Variants in JADE3 observed in about 807,000 individuals in gnomAD.
JADE3 encodes the protein protein Jade-3.
In JADE3, 2 loss-of-function variants were observed where a neutral mutation model predicts 50.1. That is an observed-to-expected ratio of 0.04 (90% CI 0.02 to 0.13). JADE3 has a LOEUF of 0.13. JADE3 is among the 10% of genes least tolerant of loss of function. The probability of loss-of-function intolerance (pLI) is 1.00; values close to 1 mark genes in which losing one functional copy is unlikely to be tolerated. For missense variants in JADE3, 475 were observed against 634.4 expected (o/e 0.75, Z 2.70); for synonymous variants, 218 against 232.9 (o/e 0.94, Z 0.58).
At chrX:46,944,626 T>C (rs782375775) in intron 1 of JADE3, among the ~76,000 whole-genome samples, 25 of 110,711 alleles carry the variant, frequency 2.3e-4, no homozygotes, top group Non-Finnish European at 4.5e-4. Context: ...CTTCTTGATA[T>C]AGGCATTTAG....
rs572734511 is a variant in JADE3 at position 46,917,834 on chromosome X, C to CCT, written c.-12+5135_-12+5136dup. 4.7e-3 allele frequency among the ~76,000 whole-genome samples: 201 copies of CCT among 42,477 alleles called. 22 individuals are homozygous for CCT. In the East Asian group the frequency reaches 0.064, roughly 14 times the overall value. The allele number at this position is 42,477 out of a possible 115,157, so 36.9% of individuals were successfully genotyped here. ...CTCTCTCTCTCTCACTCTCTCTCATCCTCTCTCTCTCTCTCTCTCTCATCC... is the reference window on the plus strand; with the variant it reads ...CTCTCTCTCTCTCACTCTCTCTCATCCTCTCTCTCTCTCTCTCTCTCTCATCC... On this transcript the variant is annotated intron_variant, in intron 1 of 10. Transcript: ENST00000614628.
chrX:46,988,902 C>T (rs182037854), intron 3 of JADE3, among the ~76,000 whole-genome samples: 3 of 112,373 alleles, frequency 2.7e-5, no homozygotes, highest in East Asian at 2.8e-4. Flanking sequence ...TGCAGTGGTG[C>T]GATCTCAGCT....
At chrX:46,937,719 G>A (rs1450745472) in intron 1 of JADE3, among the ~76,000 whole-genome samples, 1 of 111,940 alleles carries the variant, frequency 8.9e-6, no homozygotes. Context: ...GGTGGCTCAC[G>A]CCTGTAATCC....
intron 1 of JADE3, among the ~76,000 whole-genome samples, chrX:46,938,200 T>G (rs1320146519): frequency 8.9e-6 from 1 of 111,924 alleles, no homozygotes; most frequent in Admixed American, 9.5e-5. Flanking sequence ...GATATGATTG[T>G]TTTACATCTG....
chrX:46,932,213 G>C (rs1205513395), intron 1 of JADE3, among the ~76,000 whole-genome samples: 2 of 111,730 alleles, frequency 1.8e-5, no homozygotes, highest in Non-Finnish European at 3.8e-5. Flanking sequence ...ATTGGCTGAC[G>C]GGCCCACCCA....
At chrX:46,926,888 T>A (rs1251272605) in intron 1 of JADE3, among the ~76,000 whole-genome samples, 1 of 112,613 alleles carries the variant, frequency 8.9e-6, no homozygotes, top group Non-Finnish European at 1.9e-5. Flanking sequence ...ATACCACAGC[T>A]TGTTTAATCA....
chrX:46,979,278 T>G (rs1927690177), intron 1 of JADE3, among the ~76,000 whole-genome samples: 1 of 112,341 alleles, frequency 8.9e-6, no homozygotes, highest in South Asian at 3.7e-4. Context: ...TTGATAACTC[T>G]TTTACTTAAA....
At chrX:47,007,852 TG>T (rs1928468302) in intron 4 of JADE3, among the ~76,000 whole-genome samples, 1 of 106,553 alleles carries the variant, frequency 9.4e-6, no homozygotes, top group Non-Finnish European at 1.9e-5. Flanking sequence ...TGTGTGTGTG[TG>T]TGTTCTCTGT....
At chrX:47,007,451 C>T (rs1159722722) in intron 4 of JADE3, among the ~76,000 whole-genome samples, 2 of 111,714 alleles carry the variant, frequency 1.8e-5, no homozygotes, top group Non-Finnish European at 3.8e-5. Flanking sequence ...CGTTTTGGAG[C>T]ACTGTTGTTT....
rs1351133718 is a variant in JADE3, at chrX:47,060,074, C to T, written c.*997C>T. 3 of 111,705 alleles carry T rather than the reference C, an allele frequency of 2.7e-5. No homozygotes were observed. The highest frequency in any genetic ancestry group is 9.8e-5 in the African/African-American group (3 of 30,746). The allele number at this position is 111,705 out of a possible 1,213,427, so 9.2% of individuals were successfully genotyped here. On this transcript the variant is annotated 3_prime_UTR_variant, in exon 11 of 11. Transcript: ENST00000614628. Reference sequence around the variant, plus strand: ...TTTATTGTCAAACAGAATTTGAAAGCATGTGTTTAACACATGGATATAATT... The same window carrying T: ...TTTATTGTCAAACAGAATTTGAAAGTATGTGTTTAACACATGGATATAATT...
At chrX:47,002,010 T>C (rs1189240666) in intron 4 of JADE3, among the ~76,000 whole-genome samples, 10 of 111,864 alleles carry the variant, frequency 8.9e-5, no homozygotes, top group African/African-American at 3.2e-4. Flanking sequence ...ATGAATCCAT[T>C]GTCAAATATG....
intron 1 of JADE3, among the ~76,000 whole-genome samples, chrX:46,963,828 A>G (rs782096205): frequency 1.2e-4 from 13 of 111,878 alleles, no homozygotes; most frequent in Non-Finnish European, 2.3e-4. Flanking sequence ...CTGGCACACC[A>G]TCACCTCATA....
At chrX:47,010,840 A>G (rs1928547673) in intron 4 of JADE3, among the ~76,000 whole-genome samples, 3 of 111,329 alleles carry the variant, frequency 2.7e-5, no homozygotes, top group Non-Finnish European at 3.8e-5. Flanking sequence ...CTCTCTCAAA[A>G]AAAAATTATT....
chrX:47,042,365 C>T (rs1028183650), intron 8 of JADE3, among the ~76,000 whole-genome samples: 2 of 111,600 alleles, frequency 1.8e-5, no homozygotes, highest in Non-Finnish European at 3.8e-5. Flanking sequence ...CCCTAGTAGA[C>T]TGTAAACTTA....
intron 9 of JADE3, 96 bp from the exon 10 acceptor site, chrX:47,055,986 A>G: frequency 2.0e-6 from 1 of 498,550 alleles, no homozygotes; most frequent in Non-Finnish European, 3.5e-6. Flanking sequence ...CCTCACCCCC[A>G]CCTGACTTTA....
intron 1 of JADE3, among the ~76,000 whole-genome samples, chrX:46,921,288 C>T (rs958372215): frequency 2.7e-5 from 3 of 112,147 alleles, no homozygotes; most frequent in Admixed American, 9.4e-5. Context: ...CTATGTTCCC[C>T]GGGCTGGTCT....
At chrX:47,041,867 A>G (rs782059005) in intron 8 of JADE3, among the ~76,000 whole-genome samples, 6 of 105,837 alleles carry the variant, frequency 5.7e-5, no homozygotes, top group African/African-American at 1.8e-4. Context: ...AGTAGAGATG[A>G]GATTTCACCA....
In JADE3 at chrX:47,058,284, C is replaced by T. The variant is rs1929673378; in HGVS notation, c.1679C>T (p.Thr560Ile). The T allele has an allele frequency of 1.7e-6, 2 of 1,208,693 alleles. No homozygotes were observed. Among genetic ancestry groups the T allele is most frequent in the Non-Finnish European group, 2.2e-6 (2 of 894,897 alleles). The part of the protein sequence containing the change: ...PEDHRNSSTE[T>I]DQQPHSPDSS... ...GACCACAGAAACAGCTCCACAGAAA[C>T]CGATCAGCAGCCCCACTCTCCTGAC... Residue 560 changes from threonine (T) to isoleucine (I), a missense_variant, in exon 11 of 11, where the codon ACC (threonine) becomes ATC (isoleucine). This residue lies in a region of JADE3 where 243 missense variants were observed against 238.2 expected (regional missense o/e 1.02). Coordinates refer to ENST00000614628, the MANE Select transcript of JADE3 (RefSeq NM_014735.5).
At position 47,054,431 on chromosome X, in the gene JADE3, G is replaced by A; in HGVS notation, c.1246G>A (p.Val416Met). The part of the protein sequence containing the change: ...EFYSLVRVED[V>M]AAELGMPTLA... ...CTATTCCTTGGTACGAGTGGAAGATGTGGCCGCAGAGCTGGGTATGCCCAC... is the reference window on the plus strand; with the variant it reads ...CTATTCCTTGGTACGAGTGGAAGATATGGCCGCAGAGCTGGGTATGCCCAC... Residue 416 changes from valine (V) to methionine (M), a missense_variant, in exon 9 of 11, where the codon GTG (valine) becomes ATG (methionine). Coordinates refer to ENST00000614628, the MANE Select transcript of JADE3 (RefSeq NM_014735.5). 8.3e-7 allele frequency: 1 copy of A among 1,211,589 alleles called. No individual in the cohort carries two copies. Among genetic ancestry groups the A allele is most frequent in the Non-Finnish European group, 1.1e-6 (1 of 895,295 alleles).
Sources: allele counts gnomAD v4.1 joint callset (sites outside exome capture counted in the v4.1 genomes callset), GRCh38; gene constraint gnomAD v4.1.1; regional missense constraint gnomAD v4.1.1; transcripts MANE v1.5; gene names NCBI Gene and HGNC (gene_info 2026-07-23, HGNC 2026-07-21).